Variants in PARN observed in about 807,000 individuals in gnomAD.
The protein encoded by PARN is poly(A)-specific ribonuclease.
PARN carries 71 observed loss-of-function variants against 102.8 expected under a neutral mutation model. That is an observed-to-expected ratio of 0.69 (90% confidence interval 0.57 to 0.84). The LOEUF is 0.84. Ranked by LOEUF, PARN falls within the 40% of genes least tolerant of loss-of-function variation. PARN has a pLI of 0.00. For missense variants in PARN, 782 were observed against 760.9 expected (o/e 1.03, Z -0.33); for synonymous variants, 261 against 252.9 (o/e 1.03, Z -0.30).
chr16:14,532,058 C>G (rs1966368014), intron 21 of PARN, among the ~76,000 whole-genome samples: 1 of 151,918 alleles, frequency 6.6e-6, no homozygotes, highest in Non-Finnish European at 1.5e-5. Context: ...GAGTGAGATC[C>G]TGTCTTAAAA....
chr16:14,436,539 G>C lies in PARN; in HGVS notation c.*178C>G, dbSNP rs1449056004. On this transcript the variant is annotated 3_prime_UTR_variant, in exon 24 of 24. Transcript: ENST00000437198. ...TGTCAACAGGCAGTTAGATTAAAAA[G>C]GGGAAAAAACCACAGCCACAAAAAT... The C allele has an allele frequency of 2.5e-5, 15 of 607,600 alleles. No individual in the cohort carries two copies. The African/African-American group carries it at 2.8e-4, about 11-fold the overall frequency. The allele number at this position is 607,600 out of a possible 1,614,324, so 37.6% of individuals were successfully genotyped here. A position where few individuals can be genotyped will look rare whatever the true frequency, so the allele number is the denominator to read the frequency against.
chr16:14,607,587 A>G lies in PARN; in HGVS notation c.659+694T>C, dbSNP rs1971273247. Reference sequence around the variant, plus strand: ...TCTGCTGTAGTTTTGCATGGTATTAACAGCTTGCATCAGCCAAGGAGGAGA... The same window carrying G: ...TCTGCTGTAGTTTTGCATGGTATTAGCAGCTTGCATCAGCCAAGGAGGAGA... On this transcript the variant is annotated intron_variant, in intron 9 of 23. Transcript: ENST00000437198. Among the ~76,000 whole-genome samples, 4 of 152,246 alleles carry G rather than the reference A, an allele frequency of 2.6e-5. No individual in the cohort carries two copies. The South Asian group carries it at 8.3e-4, about 32-fold the overall frequency.
chr16:14,602,441 T>C (rs1970929998), intron 11 of PARN, among the ~76,000 whole-genome samples: 1 of 152,114 alleles, frequency 6.6e-6, no homozygotes, highest in African/African-American at 2.4e-5. Flanking sequence ...TGCTCAACAC[T>C]GACAAACCTG....
chr16:14,565,528 C>T (rs1259174032), intron 18 of PARN, among the ~76,000 whole-genome samples: 1 of 152,084 alleles, frequency 6.6e-6, no homozygotes, highest in East Asian at 1.9e-4. Flanking sequence ...TATACAAAGG[C>T]AATGCCTGCA....
chr16:14,522,343 C>CT (rs972128912), intron 21 of PARN, among the ~76,000 whole-genome samples: 3 of 152,144 alleles, frequency 2.0e-5, no homozygotes, highest in African/African-American at 7.2e-5. Flanking sequence ...ATAATTAGAA[C>CT]TTTTTTTCCT....
rs1180117785 is a variant in PARN, at chr16:14,507,336, AAAG to A, written c.1481-24512_1481-24510del. Among the ~76,000 whole-genome samples the A allele has an allele frequency of 2.6e-5, 4 of 151,674 alleles. No homozygotes were observed. The South Asian group carries it at 8.3e-4, about 32-fold the overall frequency. ...AGGGAAATTCGGTCTCAAAAAAAAAAAAGAAGAAATTCTGATTCTGAAACTTTG... is the reference window on the plus strand; with the variant it reads ...AGGGAAATTCGGTCTCAAAAAAAAAAAAGAAATTCTGATTCTGAAACTTTG... On this transcript the variant is annotated intron_variant, in intron 21 of 23. Coordinates refer to ENST00000437198, the MANE Select transcript of PARN (RefSeq NM_002582.4).
At chr16:14,542,419 A>G (rs984624163) in intron 21 of PARN, among the ~76,000 whole-genome samples, 4 of 151,998 alleles carry the variant, frequency 2.6e-5, no homozygotes, top group Non-Finnish European at 5.9e-5. Flanking sequence ...ACTGGGCTCA[A>G]GCAATCCTTC....
At chr16:14,610,909 C>T in intron 6 of PARN, 100 bp from the exon 7 acceptor site, 1 of 730,702 alleles carries the variant, frequency 1.4e-6, no homozygotes, top group Non-Finnish European at 2.3e-6. Context: ...GAAAGATTTA[C>T]CATATTTAAC....
At chr16:14,484,194 T>TCC (rs1303194019) in intron 21 of PARN, among the ~76,000 whole-genome samples, 1 of 152,160 alleles carries the variant, frequency 6.6e-6, no homozygotes, top group Non-Finnish European at 1.5e-5. Context: ...TGGGGCTTAA[T>TCC]CCCCCCTTGG....
intron 21 of PARN, among the ~76,000 whole-genome samples, chr16:14,547,887 GTTACA>G (rs1404853656): frequency 6.6e-6 from 1 of 152,078 alleles, no homozygotes; most frequent in Non-Finnish European, 1.5e-5. Flanking sequence ...TTTTCTCAAT[GTTACA>G]TTATTGACCT....
intron 21 of PARN, among the ~76,000 whole-genome samples, chr16:14,542,426 C>A (rs1966847329): frequency 6.6e-6 from 1 of 151,796 alleles, no homozygotes. Context: ...TCAAGCAATC[C>A]TTCCACCATA....
chr16:14,540,613 T>C (rs1047161858), intron 21 of PARN, among the ~76,000 whole-genome samples: 2 of 152,164 alleles, frequency 1.3e-5, no homozygotes, highest in South Asian at 4.1e-4. Context: ...GTATGTGATA[T>C]GGAAGGAAGG....
intron 21 of PARN, 94 bp downstream of exon 21, chr16:14,551,927 G>C: frequency 1.3e-6 from 1 of 753,554 alleles, no homozygotes; most frequent in Non-Finnish European, 2.3e-6. Flanking sequence ...ATGAGTGTAA[G>C]CTGACTGAGC....
chr16:14,593,652 C>T (rs752223868), intron 12 of PARN, among the ~76,000 whole-genome samples: 1 of 151,756 alleles, frequency 6.6e-6, no homozygotes, highest in Non-Finnish European at 1.5e-5. Flanking sequence ...ATTAATTATG[C>T]CACCCTCATG....
intron 7 of PARN, among the ~76,000 whole-genome samples, chr16:14,610,031 G>A (rs968179246): frequency 2.6e-5 from 4 of 152,094 alleles, no homozygotes; most frequent in African/African-American, 4.8e-5. Context: ...GGGAAACATA[G>A]TGAGATCCGT....
chr16:14,554,160 C>T lies in PARN; in HGVS notation c.1319-9G>A, dbSNP rs1229215292. ...ATCACGTTTAGGCTGCACTACAAGA[C>T]AAATTTATGATGAAATATTGATGGG... On this transcript the variant is annotated splice_polypyrimidine_tract_variant and intron_variant, in intron 19 of 23. Coordinates refer to ENST00000437198, the MANE Select transcript of PARN (RefSeq NM_002582.4). The T allele has an allele frequency of 6.3e-7, 1 of 1,586,466 alleles. No individual in the cohort carries two copies. Among genetic ancestry groups the T allele is most frequent in the East Asian group, 2.2e-5 (1 of 44,652 alleles).
chr16:14,557,617 A>G (rs1791837429), intron 18 of PARN, among the ~76,000 whole-genome samples: 1 of 151,914 alleles, frequency 6.6e-6, no homozygotes, highest in South Asian at 2.1e-4. Context: ...TGGAACCATC[A>G]GCATGAACAA....
chr16:14,610,208 C>T (rs1361206673), intron 7 of PARN, among the ~76,000 whole-genome samples: 1 of 152,248 alleles, frequency 6.6e-6, no homozygotes, highest in Non-Finnish European at 1.5e-5. Flanking sequence ...CATGCTGGCT[C>T]ATGCCTGTAA....
chr16:14,605,192 T>A (rs1971110464), intron 10 of PARN, among the ~76,000 whole-genome samples: 2 of 150,246 alleles, frequency 1.3e-5, no homozygotes, highest in African/African-American at 4.9e-5. Context: ...GACCTGCTCA[T>A]CTCAGCCTCC....
Sources: allele counts gnomAD v4.1 joint callset (sites outside exome capture counted in the v4.1 genomes callset), GRCh38; gene constraint gnomAD v4.1.1; transcripts MANE v1.5; gene names NCBI Gene and HGNC (gene_info 2026-07-23, HGNC 2026-07-21).